The following PARP4 variants were observed in gnomAD, a reference collection of about 807,000 sequenced individuals.
PARP4 encodes protein mono-ADP-ribosyltransferase PARP4.
PARP4 carries 120 observed loss-of-function variants against 187.7 expected under a neutral mutation model. The ratio of observed to expected loss-of-function variants is 0.64; its 90% confidence interval spans 0.55 to 0.74. PARP4 has a LOEUF of 0.74. PARP4 is among the 30% of genes least tolerant of loss of function. The pLI is 0.00. For synonymous variants in PARP4, 654 were observed against 740.9 expected, an observed-to-expected ratio of 0.88 and a Z score of 1.90; for missense variants, 1,836 against 2,070.5, an observed-to-expected ratio of 0.89 and a Z score of 2.20.
At chr13:24,465,460 T>C (rs148940494) in intron 17 of PARP4, among the ~76,000 whole-genome samples, 84 of 71,380 alleles carry the variant, frequency 1.2e-3, no homozygotes, top group Non-Finnish European at 2.2e-3. Flanking sequence ...ATGCAGACCA[T>C]GTCCTTTGCA....
At position 24,435,280 on chromosome 13, in the gene PARP4, T is replaced by C. The variant is rs1291069956; in HGVS notation, c.3861A>G (p.Leu1287=). The part of the protein sequence containing the change: ...ERGGVEKLLD[L]SWTESCKPTA... Reference sequence around the variant, plus strand: ...TTGGTTTACATGACTCTGTCCAACTTAAATCCAATAGCTTTTCCACACCTC... The same window carrying C: ...TTGGTTTACATGACTCTGTCCAACTCAAATCCAATAGCTTTTCCACACCTC... Residue 1287 remains leucine (L), a synonymous_variant, in exon 31 of 34, where the codon TTA becomes TTG. Transcript: ENST00000381989. The C allele has an allele frequency of 6.2e-7, 1 of 1,613,320 alleles. No homozygotes were observed. Among genetic ancestry groups the C allele is most frequent in the Middle Eastern group, 1.8e-4 (1 of 5,452 alleles).
At chr13:24,480,651 C>T (rs999097727) in intron 12 of PARP4, among the ~76,000 whole-genome samples, 13 of 152,310 alleles carry the variant, frequency 8.5e-5, no homozygotes, top group African/African-American at 3.1e-4. Context: ...AAGATCAAAC[C>T]AGCCACAGCA....
chr13:24,428,391 C>T (rs1217746213), intron 32 of PARP4, among the ~76,000 whole-genome samples: 1 of 152,234 alleles, frequency 6.6e-6, no homozygotes, highest in East Asian at 1.9e-4. Context: ...TGGGTGATCT[C>T]ATCCAGAGCC....
Position 24,429,439 on chromosome 13 carries a change from T to A in PARP4, c.4846+1938A>T, listed in dbSNP as rs1200146202. On this transcript the variant is annotated intron_variant, in intron 32 of 33. Transcript: ENST00000381989. Reference sequence around the variant, plus strand: ...GACGCCTTGTAGAGACTCTCAGCTATGCTATCTTACTCTAAAGAATGTTCA... The same window carrying A: ...GACGCCTTGTAGAGACTCTCAGCTAAGCTATCTTACTCTAAAGAATGTTCA... 2.0e-5 allele frequency among the ~76,000 whole-genome samples: 3 copies of A among 152,228 alleles called. No individual in the cohort carries two copies. In the East Asian group the frequency reaches 5.8e-4, roughly 29 times the overall value.
rs908258606 is a variant in PARP4 at position 24,452,395 on chromosome 13, C to T, written c.3014+11G>A. On this transcript the variant is annotated intron_variant, in intron 24 of 33. Transcript: ENST00000381989. ...GGGTCTGGACTATGTGACCAGCTCTCTGAGACTCACCCGATACCGCAGGCG... is the reference window on the plus strand; with the variant it reads ...GGGTCTGGACTATGTGACCAGCTCTTTGAGACTCACCCGATACCGCAGGCG... The T allele has an allele frequency of 3.1e-6, 5 of 1,607,010 alleles. No individual in the cohort carries two copies. In the Admixed American group the frequency reaches 5.0e-5, roughly 16 times the overall value.
Position 24,478,214 on chromosome 13 carries a change from T to C in PARP4, c.1511A>G (p.Asp504Gly), listed in dbSNP as rs771457509. 1.1e-4 allele frequency: 175 copies of C among 1,613,482 alleles called. No individual in the cohort carries two copies. The highest frequency in any genetic ancestry group is 1.4e-4 in the Non-Finnish European group (166 of 1,179,694). Residue 504 changes from aspartate (D) to glycine (G), a missense_variant, in exon 13 of 34, where the codon GAC becomes GGC. Asp to Gly is a moderately conservative substitution (Grantham distance 94). This residue lies in a region of PARP4 where 1,147 missense variants were observed against 1,214.2 expected (regional missense o/e 0.94). Coordinates refer to ENST00000381989, the MANE Select transcript of PARP4 (RefSeq NM_006437.4). The part of the protein sequence containing the change: ...TDGTRLLLIC[D>G]VALGKCMDLH... ...GTCCATACACTTTCCGAGGGCTACG[T>C]CACAAATGAGCAGGAGTCTGGTGCC... is the stretch of plus-strand genomic sequence containing the variant.
chr13:24,440,832 C>T (rs1276168953), intron 30 of PARP4, among the ~76,000 whole-genome samples: 3 of 152,184 alleles, frequency 2.0e-5, no homozygotes, highest in African/African-American at 7.2e-5. Context: ...TGGCAGTTTA[C>T]ATTTTAACTT....
Position 24,435,219 on chromosome 13 carries a change from A to T in PARP4, c.3922T>A (p.Trp1308Arg). The change falls in exon 31 of 34, where the codon TGG becomes AGG. Residue 1308 changes from tryptophan (W) to arginine (R), a missense_variant. Trp to Arg is a moderately radical substitution (Grantham distance 101). Around this residue, in one of 8 missense-constraint regions of PARP4, gnomAD observed 450 missense variants for 439.2 expected, o/e 1.02. Coordinates refer to ENST00000381989, the MANE Select transcript of PARP4 (RefSeq NM_006437.4). ...TEPLFKKVSP[W>R]ETSTSSFFPI... Reference sequence around the variant, plus strand: ...AAAAAGCTAGAAGTAGATGTTTCCCATGGACTGACTTTCTTAAATAGTGGT... The same window carrying T: ...AAAAAGCTAGAAGTAGATGTTTCCCTTGGACTGACTTTCTTAAATAGTGGT... The T allele has an allele frequency of 3.7e-6, 6 of 1,614,174 alleles. No individual in the cohort carries two copies. The highest frequency in any genetic ancestry group is 5.1e-6 in the Non-Finnish European group (6 of 1,180,016).
At chr13:24,503,903 T>C (rs1358329254) in intron 1 of PARP4, 126 bp from the exon 2 acceptor site, 14 of 762,528 alleles carry the variant, frequency 1.8e-5, no homozygotes, top group African/African-American at 1.2e-4. Flanking sequence ...AATCATGTTA[T>C]CAATAGAACA....
intron 30 of PARP4, among the ~76,000 whole-genome samples, chr13:24,441,528 T>C (rs1273064680): frequency 3.9e-5 from 6 of 152,290 alleles, no homozygotes; most frequent in Non-Finnish European, 7.3e-5. Context: ...ATAGCACTTC[T>C]ATTGATAATT....
At chr13:24,500,963 T>G (rs1178057446) in intron 3 of PARP4, among the ~76,000 whole-genome samples, 1 of 150,106 alleles carries the variant, frequency 6.7e-6, no homozygotes, top group Non-Finnish European at 1.5e-5. Flanking sequence ...ATACAGTATG[T>G]TTTCAATGTG....
chr13:24,427,855 ATTTTT>A (rs1237608828), intron 32 of PARP4, among the ~76,000 whole-genome samples: 1 of 152,178 alleles, frequency 6.6e-6, no homozygotes, highest in Non-Finnish European at 1.5e-5. Flanking sequence ...TTTGTGGCTT[ATTTTT>A]TGAGTATTAT....
At chr13:24,502,990 C>T (rs1869394297) in intron 2 of PARP4, among the ~76,000 whole-genome samples, 1 of 152,176 alleles carries the variant, frequency 6.6e-6, no homozygotes, top group Non-Finnish European at 1.5e-5. Context: ...CAGCAGAGGA[C>T]AGGGGCAGGC....
intron 10 of PARP4, among the ~76,000 whole-genome samples, chr13:24,490,300 C>T (rs563975046): frequency 1.3e-5 from 2 of 152,322 alleles, no homozygotes; most frequent in East Asian, 1.9e-4. Context: ...GGCAGTTTTT[C>T]ATGCCACAGA....
intron 30 of PARP4, among the ~76,000 whole-genome samples, chr13:24,436,522 G>A (rs1870648062): frequency 6.6e-6 from 1 of 151,910 alleles, no homozygotes; most frequent in South Asian, 2.1e-4. Context: ...TGACCAGACT[G>A]GTTTTGAACT....
At position 24,469,950 on chromosome 13, in the gene PARP4, T is replaced by C. The variant is rs756854577; in HGVS notation, c.1990A>G (p.Lys664Glu). 7.4e-6 allele frequency: 12 copies of C among 1,613,878 alleles called. No homozygotes were observed. In the South Asian group the frequency reaches 1.3e-4, roughly 18 times the overall value. Residue 664 changes from lysine to glutamate, a missense_variant, in exon 16 of 34, where the codon AAG becomes GAG. Physicochemically the swap from Lys to Glu is moderately conservative, Grantham distance 56. Transcript: ENST00000381989. ...EAKYIFPLDD[K>E]AAVCGFEAFI... Reference sequence around the variant, plus strand: ...GCTTCGAAGCCACACACAGCGGCCTTGTCATCCAAAGGAAAGATATATTTT... The same window carrying C: ...GCTTCGAAGCCACACACAGCGGCCTCGTCATCCAAAGGAAAGATATATTTT...
At chr13:24,422,264 C>T (rs553518421) in intron 33 of PARP4, among the ~76,000 whole-genome samples, 20 of 152,302 alleles carry the variant, frequency 1.3e-4, no homozygotes, top group African/African-American at 4.8e-4. Flanking sequence ...ACTTAACATG[C>T]TTACTAGTCC....
At chr13:24,457,872 G>A (rs2137479638) in intron 20 of PARP4, among the ~76,000 whole-genome samples, 1 of 149,568 alleles carries the variant, frequency 6.7e-6, no homozygotes, top group African/African-American at 2.5e-5. Context: ...AAATTTCTCA[G>A]AACTAAAGAC....
intron 15 of PARP4, among the ~76,000 whole-genome samples, chr13:24,471,808 C>T (rs1286432034): frequency 5.3e-5 from 8 of 152,184 alleles, no homozygotes; most frequent in East Asian, 1.9e-4. Context: ...CCTGTAACCT[C>T]GTCATAATTT....
Sources: allele counts gnomAD v4.1 joint callset (sites outside exome capture counted in the v4.1 genomes callset), GRCh38; gene constraint gnomAD v4.1.1; regional missense constraint gnomAD v4.1.1; transcripts MANE v1.5; gene names NCBI Gene and HGNC (gene_info 2026-07-23, HGNC 2026-07-21).